Variants in SNX30 observed in about 807,000 individuals in gnomAD.
SNX30 encodes sorting nexin-30.
A neutral mutation model predicts 46.4 loss-of-function variants in SNX30; 24 were observed. That is an observed-to-expected ratio of 0.52 (90% CI 0.37 to 0.73). The LOEUF is 0.73. Ranked by LOEUF, SNX30 falls within the 30% of genes least tolerant of loss-of-function variation. The probability of loss-of-function intolerance (pLI) is 0.00; values close to 1 mark genes in which losing one functional copy is unlikely to be tolerated. For missense variants in SNX30, 533 were observed against 555.7 expected, an observed-to-expected ratio of 0.96 and a Z score of 0.41; for synonymous variants, 189 against 211.5, an observed-to-expected ratio of 0.89 and a Z score of 0.92.
intron 6 of SNX30, among the ~76,000 whole-genome samples, chr9:112,848,582 A>C (rs1253175826): frequency 6.6e-6 from 1 of 152,200 alleles, no homozygotes; most frequent in Non-Finnish European, 1.5e-5. Flanking sequence ...CATCTGTAGA[A>C]TAGGGAAGAT....
At chr9:112,784,447 C>T (rs1178619469) in intron 1 of SNX30, among the ~76,000 whole-genome samples, 1 of 152,166 alleles carries the variant, frequency 6.6e-6, no homozygotes, top group Non-Finnish European at 1.5e-5. Context: ...ATCCACTTTC[C>T]AGGCCTTATT....
rs772603011 is a variant in SNX30 at position 112,751,162 on chromosome 9, G to A, written c.156+5G>A. ...GCCCGCAGCTTCGGTGACAAGGTGGGGCGCCTGGGGCCGGGGAGTGGGAGG... is the reference window on the plus strand; with the variant it reads ...GCCCGCAGCTTCGGTGACAAGGTGGAGCGCCTGGGGCCGGGGAGTGGGAGG... On this transcript the variant is annotated splice_donor_5th_base_variant and intron_variant, in intron 1 of 8. Coordinates refer to ENST00000374232, the MANE Select transcript of SNX30 (RefSeq NM_001012994.2). 31 of 1,501,742 alleles carry A rather than the reference G, an allele frequency of 2.1e-5. No individual in the cohort carries two copies. In the South Asian group the frequency reaches 3.8e-4, roughly 18 times the overall value. 93.0% of individuals were successfully genotyped at this position (1,501,742 alleles called of 1,614,324 possible).
chr9:112,834,843 A>AACACACACACACACAC lies in SNX30; in HGVS notation c.619-1346_619-1331dup, dbSNP rs79118828. 1.3e-3 allele frequency among the ~76,000 whole-genome samples: 101 copies of AACACACACACACACAC among 78,404 alleles called. 1 individual carries two copies. The highest frequency in any genetic ancestry group is 3.8e-3 in the African/African-American group (81 of 21,462). The allele number at this position is 78,404 out of a possible 152,430, so 51.4% of individuals were successfully genotyped here. ...CGTGGATTAAACACACACACACACAAACACACACACACACACACACACACA... is the reference window on the plus strand; with the variant it reads ...CGTGGATTAAACACACACACACACAAACACACACACACACACACACACACACACACACACACACACA... On this transcript the variant is annotated intron_variant, in intron 4 of 8. Coordinates refer to ENST00000374232, the MANE Select transcript of SNX30 (RefSeq NM_001012994.2).
At chr9:112,820,019 C>G (rs1840468262) in intron 3 of SNX30, among the ~76,000 whole-genome samples, 2 of 152,200 alleles carry the variant, frequency 1.3e-5, no homozygotes, top group Admixed American at 1.3e-4. Context: ...CTCCTGGCAG[C>G]TGGTGCCTGT....
chr9:112,849,287 A>G (rs1015772989), intron 6 of SNX30, among the ~76,000 whole-genome samples: 10 of 152,180 alleles, frequency 6.6e-5, no homozygotes, highest in Non-Finnish European at 1.5e-4. Flanking sequence ...TTATAGATTT[A>G]TGTCATCCAG....
chr9:112,832,828 TAATA>T (rs935253381), intron 4 of SNX30, among the ~76,000 whole-genome samples: 4 of 146,302 alleles, frequency 2.7e-5, no homozygotes, highest in Admixed American at 6.9e-5. Context: ...TATTAATATA[TAATA>T]AATATATTAA....
upstream of SNX30, among the ~76,000 whole-genome samples, chr9:112,749,843 C>T (rs879694430): frequency 3.3e-5 from 5 of 152,184 alleles, no homozygotes; most frequent in Non-Finnish European, 7.3e-5. Context: ...TGGTCCCTCA[C>T]GATGAGCCTC....
At chr9:112,833,795 C>G (rs1010817743) in intron 4 of SNX30, among the ~76,000 whole-genome samples, 2 of 152,158 alleles carry the variant, frequency 1.3e-5, no homozygotes, top group Admixed American at 1.3e-4. Flanking sequence ...CAGTTATAGT[C>G]TTGTGAAGGC....
At chr9:112,779,387 A>G (rs895245374) in intron 1 of SNX30, among the ~76,000 whole-genome samples, 6 of 152,120 alleles carry the variant, frequency 3.9e-5, no homozygotes, top group African/African-American at 9.7e-5. Context: ...CTGTTGCTCA[A>G]GTGAACACAT....
chr9:112,839,674 C>G (rs1320069909), intron 6 of SNX30, among the ~76,000 whole-genome samples: 1 of 152,174 alleles, frequency 6.6e-6, no homozygotes, highest in African/African-American at 2.4e-5. Context: ...GAAAAAGATA[C>G]GTGGTTCAGT....
At chr9:112,836,440 C>T in intron 5 of SNX30, 31 bp downstream of exon 5, 1 of 1,562,068 alleles carries the variant, frequency 6.4e-7, no homozygotes, top group South Asian at 1.1e-5. Context: ...TCGATTATGC[C>T]CTGCAGCCAC....
At chr9:112,784,208 C>T (rs1038308348) in intron 1 of SNX30, among the ~76,000 whole-genome samples, 1 of 152,166 alleles carries the variant, frequency 6.6e-6, no homozygotes, top group Non-Finnish European at 1.5e-5. Context: ...CACCTACCCC[C>T]TAGGTCAGGT....
At chr9:112,817,156 A>G (rs1212130534) in intron 2 of SNX30, among the ~76,000 whole-genome samples, 10 of 152,150 alleles carry the variant, frequency 6.6e-5, no homozygotes, top group African/African-American at 2.4e-4. Context: ...CGAAATGAGC[A>G]GTGATCTATT....
intron 8 of SNX30, among the ~76,000 whole-genome samples, chr9:112,865,179 G>A (rs1214392121): frequency 2.7e-5 from 2 of 73,124 alleles, no homozygotes; most frequent in Non-Finnish European, 5.1e-5. Flanking sequence ...CCCCACACAC[G>A]ACACCCACAC....
At chr9:112,762,199 C>T (rs570131258) in intron 1 of SNX30, among the ~76,000 whole-genome samples, 6 of 151,672 alleles carry the variant, frequency 4.0e-5, no homozygotes, top group African/African-American at 1.5e-4. Flanking sequence ...GCGCAGGGAT[C>T]AGGAATTGTT....
At chr9:112,816,437 C>G (rs1256666820) in intron 2 of SNX30, among the ~76,000 whole-genome samples, 2 of 152,180 alleles carry the variant, frequency 1.3e-5, no homozygotes, top group Non-Finnish European at 2.9e-5. Context: ...TCACAAATAC[C>G]TACATTGAGT....
At chr9:112,793,255 A>G (rs1295947628) in intron 1 of SNX30, among the ~76,000 whole-genome samples, 1 of 152,176 alleles carries the variant, frequency 6.6e-6, no homozygotes, top group Non-Finnish European at 1.5e-5. Context: ...CCCCCATCTC[A>G]GTAGAGCTCA....
In SNX30 at chr9:112,864,306, A is replaced by T. The variant is rs746917555; in HGVS notation, c.1161A>T (p.Lys387Asn). ...TGGAGTGTTTCAATGCTGACCTGAA[A>T]GCTGACATGGAGAGGTGGCAGAACA... ...DRMECFNADL[K>N]ADMERWQNNK... The change falls in exon 8 of 9, where the codon AAA (lysine) becomes AAT (asparagine). Residue 387 changes from lysine (K) to asparagine (N), a missense_variant. Transcript: ENST00000374232. 3.7e-6 allele frequency: 6 copies of T among 1,614,090 alleles called. No homozygotes were observed. In the Admixed American group the frequency reaches 1.0e-4, roughly 27 times the overall value.
chr9:112,829,749 A>G (rs1486468607), intron 3 of SNX30, among the ~76,000 whole-genome samples: 2 of 152,184 alleles, frequency 1.3e-5, no homozygotes, highest in Non-Finnish European at 2.9e-5. Context: ...CATCCTCACC[A>G]ACACTTGTTT....
Sources: gnomAD v4.1 joint callset for allele counts (sites outside exome capture counted in the v4.1 genomes callset) on GRCh38, gnomAD v4.1.1 for gene constraint, MANE v1.5 for transcripts, NCBI Gene and HGNC (gene_info 2026-07-23, HGNC 2026-07-21) for gene names.